SBF2: variants seen among roughly 807,000 people sequenced by gnomAD.
The protein encoded by SBF2 is SET binding factor 2.
SBF2 carries 112 observed loss-of-function variants against 225.2 expected under a neutral mutation model. That is an observed-to-expected ratio of 0.50 (90% CI 0.43 to 0.58). SBF2 has a LOEUF of 0.58. SBF2 is among the 20% of genes least tolerant of loss of function. SBF2 has a pLI of 0.00. For missense variants in SBF2, 1,996 were observed against 2,206.2 expected (o/e 0.90, Z 1.91); for synonymous variants, 763 against 773.3 (o/e 0.99, Z 0.22).
intron 13 of SBF2, among the ~76,000 whole-genome samples, chr11:9,985,449 A>G (rs545939192): frequency 7.3e-4 from 111 of 152,248 alleles, no homozygotes; most frequent in African/African-American, 2.5e-3. Flanking sequence ...CAGCTTCCCA[A>G]GTAGCTGGGA....
At chr11:9,834,019 T>C (rs1197981284) in intron 26 of SBF2, among the ~76,000 whole-genome samples, 2 of 151,850 alleles carry the variant, frequency 1.3e-5, no homozygotes, top group Admixed American at 6.6e-5. Context: ...TCCACCTGCC[T>C]CGGCCTCCCA....
intron 1 of SBF2, among the ~76,000 whole-genome samples, chr11:10,286,314 A>G (rs1963779084): frequency 6.6e-6 from 1 of 151,540 alleles, no homozygotes; most frequent in African/African-American, 2.4e-5. Flanking sequence ...TTTGTAAATT[A>G]TATCTCAATA....
rs1432770029 is a variant in SBF2, at chr11:9,932,973, A to C, written c.1860+28984T>G. Among the ~76,000 whole-genome samples, 505 of 149,138 alleles carry C rather than the reference A, an allele frequency of 3.4e-3. 4 individuals are homozygous for C. The highest frequency in any genetic ancestry group is 5.3e-3 in the South Asian group (25 of 4,714). The stretch of plus-strand genomic sequence containing the variant: ...AACGAAAAGCAAAAAAAAAAAAAAA[A>C]AAAAAAAAAAAAAACAGGTGTTGCA... On this transcript the variant is annotated intron_variant, in intron 16 of 39. Coordinates refer to ENST00000256190, the MANE Select transcript of SBF2 (RefSeq NM_030962.4).
chr11:9,958,741 A>C, intron 16 of SBF2: 1 of 416,856 alleles, frequency 2.4e-6, no homozygotes, highest in South Asian at 2.2e-5. Context: ...TAGTTCACTT[A>C]GTTTTTGTAC....
At chr11:9,982,758 G>A (rs1456811129) in intron 13 of SBF2, among the ~76,000 whole-genome samples, 1 of 152,238 alleles carries the variant, frequency 6.6e-6, no homozygotes, top group Non-Finnish European at 1.5e-5. Context: ...AATACTGTGA[G>A]TGCCCCAACT....
intron 13 of SBF2, among the ~76,000 whole-genome samples, chr11:9,974,000 T>A (rs1002493747): frequency 6.6e-6 from 1 of 152,188 alleles, no homozygotes; most frequent in Non-Finnish European, 1.5e-5. Flanking sequence ...ATTTTTTTTC[T>A]AATACAGTTG....
chr11:9,974,957 ACT>A (rs2134409427), intron 13 of SBF2, among the ~76,000 whole-genome samples: 1 of 115,820 alleles, frequency 8.6e-6, no homozygotes, highest in Non-Finnish European at 1.7e-5. Context: ...CGAAACTTTG[ACT>A]CAAAAAAAAA....
chr11:9,891,526 T>C (rs939143518), intron 17 of SBF2, among the ~76,000 whole-genome samples: 12 of 152,216 alleles, frequency 7.9e-5, no homozygotes, highest in Non-Finnish European at 1.5e-4. Flanking sequence ...TAATCTGTGA[T>C]TACTCTGAAA....
At chr11:10,073,175 C>T (rs1487184144) in intron 2 of SBF2, among the ~76,000 whole-genome samples, 1 of 152,016 alleles carries the variant, frequency 6.6e-6, no homozygotes, top group Non-Finnish European at 1.5e-5. Flanking sequence ...GCTTAGAATT[C>T]TGCCTAGCAG....
chr11:10,028,622 A>G, intron 5 of SBF2, 65 bp from the exon 6 acceptor site: 1 of 1,053,126 alleles, frequency 9.5e-7, no homozygotes. Flanking sequence ...AAAAATAAAA[A>G]TACCTTCGAT....
intron 16 of SBF2, among the ~76,000 whole-genome samples, chr11:9,906,146 T>C (rs567494409): frequency 6.6e-6 from 1 of 152,320 alleles, no homozygotes; most frequent in East Asian, 1.9e-4. Context: ...CTAGCACATC[T>C]GAATTTCTTT....
At chr11:9,919,752 G>A (rs1413546665) in intron 16 of SBF2, among the ~76,000 whole-genome samples, 2 of 152,064 alleles carry the variant, frequency 1.3e-5, no homozygotes, top group African/African-American at 2.4e-5. Flanking sequence ...TCTTTCTTTG[G>A]AGGCAGAAAT....
At chr11:9,891,732 G>A (rs969734298) in intron 17 of SBF2, among the ~76,000 whole-genome samples, 1 of 152,216 alleles carries the variant, frequency 6.6e-6, no homozygotes, top group Admixed American at 6.5e-5. Context: ...ATGTTACTTA[G>A]TAAAAGTGGA....
At chr11:9,822,682 G>A (rs546077353) in intron 28 of SBF2, among the ~76,000 whole-genome samples, 2 of 152,288 alleles carry the variant, frequency 1.3e-5, no homozygotes, top group South Asian at 2.1e-4. Flanking sequence ...ATAGGAATGC[G>A]TTACTGTTCA....
At chr11:10,296,627 G>T (rs1008599578), upstream of SBF2, among the ~76,000 whole-genome samples, 19 of 151,984 alleles carry the variant, frequency 1.3e-4, no homozygotes, top group Non-Finnish European at 2.5e-4. Context: ...TGTTTATCTG[G>T]AACAACCCAT....
intron 16 of SBF2, among the ~76,000 whole-genome samples, chr11:9,912,140 C>A (rs990971715): frequency 1.3e-5 from 2 of 150,524 alleles, no homozygotes; most frequent in Non-Finnish European, 2.9e-5. Flanking sequence ...CATGGTGAAA[C>A]CCCATCTCTA....
chr11:10,265,949 G>C (rs1355056714), intron 1 of SBF2, among the ~76,000 whole-genome samples: 1 of 152,074 alleles, frequency 6.6e-6, no homozygotes, highest in Non-Finnish European at 1.5e-5. Context: ...TGAACTTCTA[G>C]CCTCAAGTGA....
chr11:9,913,643 A>T (rs1398537318), intron 16 of SBF2, among the ~76,000 whole-genome samples: 1 of 144,742 alleles, frequency 6.9e-6, no homozygotes, highest in Non-Finnish European at 1.5e-5. Context: ...CTGAGATTAA[A>T]AAAATAAAAT....
chr11:9,848,255 G>C (rs1487928838), intron 22 of SBF2, among the ~76,000 whole-genome samples: 1 of 152,136 alleles, frequency 6.6e-6, no homozygotes, highest in Non-Finnish European at 1.5e-5. Context: ...GCTAAGCAAA[G>C]TCAGGATGTA....
Sources: gnomAD v4.1 joint callset for allele counts (sites outside exome capture counted in the v4.1 genomes callset) on GRCh38, gnomAD v4.1.1 for gene constraint, MANE v1.5 for transcripts, NCBI Gene and HGNC (gene_info 2026-07-23, HGNC 2026-07-21) for gene names.